The following BBS7 variants were observed in gnomAD, a reference collection of about 807,000 sequenced individuals.
BBS7 encodes the protein Bardet-Biedl syndrome 7, also known as BBSome complex member BBS7.
BBS7 carries 50 observed loss-of-function variants against 90.3 expected under a neutral mutation model. That is an observed-to-expected ratio of 0.55 (90% CI 0.44 to 0.70). BBS7 has a LOEUF of 0.70. Ranked by LOEUF, BBS7 falls within the 30% of genes least tolerant of loss-of-function variation. The pLI is 0.00. For synonymous variants in BBS7, 235 were observed against 287.4 expected (o/e 0.82, Z 1.85); for missense variants, 729 against 838.9 (o/e 0.87, Z 1.62).
Position 121,863,290 on chromosome 4 carries a change from T to C in BBS7, c.103-11A>G, listed in dbSNP as rs779937467. ...ATCTCCAATAACCACCTGTAATAGA[T>C]GGAAGATAATCTAAAATTACTATTA... is the stretch of plus-strand genomic sequence containing the variant. On this transcript the variant is annotated splice_polypyrimidine_tract_variant and intron_variant, in intron 2 of 18. Coordinates refer to ENST00000264499, the MANE Select transcript of BBS7 (RefSeq NM_176824.3). 4.4e-6 allele frequency: 7 copies of C among 1,605,270 alleles called. No homozygotes were observed. In the South Asian group the frequency reaches 4.4e-5, roughly 10 times the overall value.
chr4:121,855,627 T>G, intron 5 of BBS7, 66 bp from the exon 6 acceptor site: 36 of 1,263,026 alleles, frequency 2.9e-5, no homozygotes, highest in Middle Eastern at 1.9e-4. Flanking sequence ...CATTCATGAA[T>G]AACATCAATA....
At chr4:121,851,409 A>AGGAAGGAG (rs1302361571) in intron 8 of BBS7, among the ~76,000 whole-genome samples, 117 of 136,776 alleles carry the variant, frequency 8.6e-4, no homozygotes, top group Middle Eastern at 3.5e-3. Context: ...GAAAAAAGGA[A>AGGAAGGAG]GGAAGGAGGG....
chr4:121,848,834 T>C lies in BBS7; in HGVS notation c.934+10A>G, dbSNP rs745659988. ...CTCTTTCTTCAATTACCTATTATCATTTACTTTACCTGAATATGTGGACAC... is the reference window on the plus strand; with the variant it reads ...CTCTTTCTTCAATTACCTATTATCACTTACTTTACCTGAATATGTGGACAC... On this transcript the variant is annotated intron_variant, in intron 9 of 18. Transcript: ENST00000264499. 27 of 1,608,512 alleles carry C rather than the reference T, an allele frequency of 1.7e-5. No individual in the cohort carries two copies. Among genetic ancestry groups the C allele is most frequent in the South Asian group, 5.5e-5 (5 of 90,946 alleles).
chr4:121,830,140 G>A (rs1725110551), intron 15 of BBS7, among the ~76,000 whole-genome samples: 2 of 152,158 alleles, frequency 1.3e-5, no homozygotes, highest in Non-Finnish European at 1.5e-5. Context: ...GGTGGCTCAC[G>A]CCTGTAATCC....
At chr4:121,863,174 T>C (rs769013722) in intron 3 of BBS7, 43 bp downstream of exon 3, 2 of 1,579,490 alleles carry the variant, frequency 1.3e-6, no homozygotes, top group African/African-American at 2.7e-5. Flanking sequence ...TAGTGCATTC[T>C]CTTTTAGAAA....
chr4:121,841,712 G>C (rs1263997475), intron 12 of BBS7, among the ~76,000 whole-genome samples: 1 of 151,934 alleles, frequency 6.6e-6, no homozygotes, highest in African/African-American at 2.4e-5. Context: ...TTTTAAATTA[G>C]TATCAAATAG....
chr4:121,827,107 A>T (rs1724952195), intron 18 of BBS7, among the ~76,000 whole-genome samples: 1 of 152,250 alleles, frequency 6.6e-6, no homozygotes, highest in South Asian at 2.1e-4. Context: ...TATGAAAAAA[A>T]CTTTGGTTTA....
chr4:121,847,932 C>T (rs998638238), intron 9 of BBS7, among the ~76,000 whole-genome samples: 1 of 151,694 alleles, frequency 6.6e-6, no homozygotes, highest in African/African-American at 2.4e-5. Flanking sequence ...CAAGTTTTGG[C>T]AAGTTTTTGA....
chr4:121,853,992 A>T (rs575490661), intron 7 of BBS7, among the ~76,000 whole-genome samples: 1 of 151,980 alleles, frequency 6.6e-6, no homozygotes, highest in East Asian at 1.9e-4. Flanking sequence ...TTCCTGAAAC[A>T]TTTTTTTCCC....
At chr4:121,865,492 G>T (rs1727217217) in intron 2 of BBS7, among the ~76,000 whole-genome samples, 1 of 152,158 alleles carries the variant, frequency 6.6e-6, no homozygotes, top group African/African-American at 2.4e-5. Flanking sequence ...GCCCGCCTCA[G>T]CCTCCCAAAG....
intron 8 of BBS7, among the ~76,000 whole-genome samples, chr4:121,850,671 T>G (rs534960509): frequency 6.6e-6 from 1 of 152,318 alleles, no homozygotes; most frequent in South Asian, 2.1e-4. Context: ...GGCAACACAC[T>G]AATTGGTTTT....
At chr4:121,835,966 T>C (rs1725432293) in intron 13 of BBS7, among the ~76,000 whole-genome samples, 1 of 152,182 alleles carries the variant, frequency 6.6e-6, no homozygotes, top group African/African-American at 2.4e-5. Context: ...TCTCTCTACG[T>C]ACATGTACAA....
chr4:121,869,023 A>G (rs1727444991), intron 1 of BBS7, among the ~76,000 whole-genome samples: 1 of 152,210 alleles, frequency 6.6e-6, no homozygotes, highest in African/African-American at 2.4e-5. Flanking sequence ...GCTTGGAGGG[A>G]GATGAAGCTG....
chr4:121,853,159 G>A (rs375395048), intron 7 of BBS7, 73 bp from the exon 8 acceptor site: 1 of 1,517,098 alleles, frequency 6.6e-7, no homozygotes, highest in Non-Finnish European at 9.1e-7. Context: ...AAGTAAGAAT[G>A]AAAAAAACAC....
At chr4:121,852,306 A>G (rs558525427) in intron 8 of BBS7, among the ~76,000 whole-genome samples, 9 of 152,028 alleles carry the variant, frequency 5.9e-5, no homozygotes, top group African/African-American at 1.9e-4. Flanking sequence ...TTTTTTCTTT[A>G]AGTTTAATAG....
At chr4:121,854,178 T>G (rs1193612953) in intron 7 of BBS7, among the ~76,000 whole-genome samples, 2 of 152,192 alleles carry the variant, frequency 1.3e-5, no homozygotes, top group African/African-American at 4.8e-5. Flanking sequence ...AAAGCTGTCT[T>G]ATGTATTTAT....
chr4:121,826,180 A>G (rs1338999858), intron 18 of BBS7, among the ~76,000 whole-genome samples, 187 bp from the exon 19 acceptor site: 1 of 152,230 alleles, frequency 6.6e-6, no homozygotes, highest in Non-Finnish European at 1.5e-5. Context: ...AAGTTTCAAG[A>G]TATAAATCAT....
chr4:121,835,483 T>C (rs548312567), intron 13 of BBS7, among the ~76,000 whole-genome samples, 200 bp from the exon 14 acceptor site: 2 of 152,322 alleles, frequency 1.3e-5, no homozygotes, highest in East Asian at 3.9e-4. Context: ...GTACATCTTG[T>C]ACTACACAAA....
At chr4:121,857,311 G>T (rs946098776) in intron 5 of BBS7, among the ~76,000 whole-genome samples, 1 of 151,434 alleles carries the variant, frequency 6.6e-6, no homozygotes, top group African/African-American at 2.4e-5. Context: ...AGAGATGGGG[G>T]TCTCGCTATG....
Sources: gnomAD v4.1 joint callset for allele counts (sites outside exome capture counted in the v4.1 genomes callset) on GRCh38, gnomAD v4.1.1 for gene constraint, MANE v1.5 for transcripts, NCBI Gene and HGNC (gene_info 2026-07-23, HGNC 2026-07-21) for gene names.